The following KCNQ1 variants were observed in gnomAD, a reference collection of about 807,000 sequenced individuals.
The protein encoded by KCNQ1 is potassium voltage-gated channel subfamily KQT member 1.
In KCNQ1, 49 loss-of-function variants were observed where a neutral mutation model predicts 72.4. The observed-to-expected ratio is 0.68, with a 90% CI of 0.54 to 0.86. The LOEUF (loss-of-function observed/expected upper bound fraction) is 0.86, where lower values mean the gene tolerates loss of function less well. Ranked by LOEUF, KCNQ1 falls within the 40% of genes least tolerant of loss-of-function variation. The pLI is 0.00. For synonymous variants in KCNQ1, 450 were observed against 412.6 expected (o/e 1.09, Z -1.10); for missense variants, 790 against 945.1 (o/e 0.84, Z 2.15).
intron 11 of KCNQ1, chr11:2,686,515 C>T (rs567021133): frequency 6.8e-5 from 27 of 398,684 alleles, no homozygotes; most frequent in African/African-American, 4.9e-4. Flanking sequence ...GTCTCACTCC[C>T]GTCACGGAAA....
rs1847285585 is a variant in KCNQ1, at chr11:2,516,152, G to T, written c.387-11776G>T. Among the ~76,000 whole-genome samples, 1 of 152,052 alleles carries T rather than the reference G, an allele frequency of 6.6e-6. No homozygotes were observed. The highest frequency in any genetic ancestry group is 1.5e-5 in the Non-Finnish European group (1 of 68,010). On this transcript the variant is annotated intron_variant, in intron 1 of 15. Transcript: ENST00000155840. The surrounding 1 kb of genome is among the most constrained non-coding windows in gnomAD (Gnocchi z 7.0). ...TCGGGGTGCTTCGAGGTGCTGTGGG[G>T]ACCTGTGATGCTGTCAGGGAGACCC...
Position 2,654,446 on chromosome 11 carries a change from G to A in KCNQ1, c.1394-7515G>A, listed in dbSNP as rs949197572. On this transcript the variant is annotated intron_variant, in intron 10 of 15. Transcript: ENST00000155840. The surrounding 1 kb of genome is among the most constrained non-coding windows in gnomAD (Gnocchi z 6.4). ...GGGTGAGGCAGAAGGCAAGGTTCCC[G>A]TGCTGAGCGCCAGGCACACATAAGC... 2.5e-5 allele frequency: 10 copies of A among 398,600 alleles called. No homozygotes were observed. The highest frequency in any genetic ancestry group is 4.4e-5 in the Admixed American group (1 of 22,718). 24.7% of individuals were successfully genotyped at this position (398,600 alleles called of 1,614,324 possible).
intron 1 of KCNQ1, among the ~76,000 whole-genome samples, chr11:2,448,173 CAGGTGGCATCT>C: frequency 6.6e-6 from 1 of 152,344 alleles, no homozygotes; most frequent in East Asian, 1.9e-4. Context: ...TGTGGACATC[CAGGTGGCATCT>C]ACTCTGGTTG....
intron 11 of KCNQ1, chr11:2,696,676 G>C (rs1387419993): frequency 2.5e-6 from 1 of 398,588 alleles, no homozygotes. Flanking sequence ...ATGCCAAGTT[G>C]CCCTGTTCAA....
intron 15 of KCNQ1, among the ~76,000 whole-genome samples, chr11:2,811,898 G>A (rs1356527554): frequency 3.3e-5 from 5 of 152,146 alleles, no homozygotes; most frequent in African/African-American, 7.2e-5. Flanking sequence ...CTGAGCTCCC[G>A]AGTGCCCGCC....
At chr11:2,622,692 CTGTA>C in intron 10 of KCNQ1, 1 of 398,498 alleles carries the variant, frequency 2.5e-6, no homozygotes, top group Non-Finnish European at 4.4e-6. Flanking sequence ...ATTCGATTGT[CTGTA>C]TGTGTGTATG....
rs1847878255 is a variant in KCNQ1 at position 2,544,537 on chromosome 11, C to T, written c.477+16519C>T. On this transcript the variant is annotated intron_variant, in intron 2 of 15. Coordinates refer to ENST00000155840, the MANE Select transcript of KCNQ1 (RefSeq NM_000218.3). The surrounding 1 kb of genome is among the most constrained non-coding windows in gnomAD (Gnocchi z 4.4). ...TTTTTAACTTCTGTCAGAGATGTTT[C>T]ATAGTTTTTAGTGTATAGGTCTTGT... Among the ~76,000 whole-genome samples, 2 of 151,732 alleles carry T rather than the reference C, an allele frequency of 1.3e-5. No individual in the cohort carries two copies. Among genetic ancestry groups the T allele is most frequent in the African/African-American group, 2.4e-5 (1 of 41,310 alleles).
intron 11 of KCNQ1, among the ~76,000 whole-genome samples, chr11:2,760,368 T>C (rs1381565049): frequency 6.6e-6 from 1 of 152,206 alleles, no homozygotes; most frequent in African/African-American, 2.4e-5. Flanking sequence ...GCTCATCTCA[T>C]TCATCTACAA....
Position 2,549,634 on chromosome 11 carries a change from C to T in KCNQ1, c.478-20994C>T, listed in dbSNP as rs9704526. 6.7e-6 allele frequency among the ~76,000 whole-genome samples: 1 copy of T among 149,032 alleles called. No individual in the cohort carries two copies. Among genetic ancestry groups the T allele is most frequent in the East Asian group, 2.0e-4 (1 of 5,026 alleles). On this transcript the variant is annotated intron_variant, in intron 2 of 15. Coordinates refer to ENST00000155840, the MANE Select transcript of KCNQ1 (RefSeq NM_000218.3). The surrounding 1 kb of genome is among the most constrained non-coding windows in gnomAD (Gnocchi z 6.2). ...TGCTCTGCGAGGCCCGGGGTAGGGG[C>T]GTGGGGGGGCCTCCTCCTCCCAAGC... is the stretch of plus-strand genomic sequence containing the variant.
chr11:2,636,825 T>G (rs1471231718), intron 10 of KCNQ1: 2 of 152,234 alleles, frequency 1.3e-5, no homozygotes, highest in Non-Finnish European at 2.9e-5. Flanking sequence ...TGGACTTTTT[T>G]TGGTTGGTAG....
At chr11:2,825,337 C>A (rs181832844) in intron 15 of KCNQ1, among the ~76,000 whole-genome samples, 3 of 152,204 alleles carry the variant, frequency 2.0e-5, no homozygotes, top group African/African-American at 7.2e-5. Flanking sequence ...CCAGACCTTC[C>A]GAGCCCTCAG....
At chr11:2,558,735 C>A (rs955279800) in intron 2 of KCNQ1, among the ~76,000 whole-genome samples, 1 of 152,190 alleles carries the variant, frequency 6.6e-6, no homozygotes, top group East Asian at 1.9e-4. Context: ...CCCCGTAAGG[C>A]ACCGGCAGTA....
intron 10 of KCNQ1, chr11:2,619,862 CTTTTAT>C: frequency 2.5e-6 from 1 of 397,984 alleles, no homozygotes; most frequent in Non-Finnish European, 4.4e-6. Flanking sequence ...GTTTTTTTAA[CTTTTAT>C]TTTTGATTTA....
In KCNQ1 at chr11:2,677,202, T is replaced by C; in HGVS notation, c.1514+15121T>C. ...TTGTATCTCTGCTGACTGACCTCTT[T>C]GGCTGTCTCTTGTCAACCAAAGACA... On this transcript the variant is annotated intron_variant, in intron 11 of 15. Transcript: ENST00000155840. This position sits in a 1 kb window ranked among gnomAD's most constrained non-coding sequence, Gnocchi z 4.5. 2 of 398,672 alleles carry C rather than the reference T, an allele frequency of 5.0e-6. No individual in the cohort carries two copies. The highest frequency in any genetic ancestry group is 4.4e-6 in the Non-Finnish European group (1 of 226,070). The allele number at this position is 398,672 out of a possible 1,614,324, so 24.7% of individuals were successfully genotyped here. A position where few individuals can be genotyped will look rare whatever the true frequency, so the allele number is the denominator to read the frequency against.
At position 2,678,444 on chromosome 11, in the gene KCNQ1, C is replaced by T. The variant is rs1335772028; in HGVS notation, c.1514+16363C>T. The T allele has an allele frequency of 1.0e-5, 4 of 398,516 alleles. No individual in the cohort carries two copies. The highest frequency in any genetic ancestry group is 4.4e-6 in the Non-Finnish European group (1 of 226,068). The allele number at this position is 398,516 out of a possible 1,614,324, so 24.7% of individuals were successfully genotyped here. On this transcript the variant is annotated intron_variant, in intron 11 of 15. Transcript: ENST00000155840. This position sits in a 1 kb window ranked among gnomAD's most constrained non-coding sequence, Gnocchi z 4.9. ...ATTTGAGTACATCATCATCTCTCTA[C>T]TAATTTCAACTGCTACCTTTATCAT...
intron 1 of KCNQ1, among the ~76,000 whole-genome samples, chr11:2,452,815 C>T (rs954046583): frequency 2.6e-5 from 4 of 152,128 alleles, no homozygotes; most frequent in African/African-American, 4.8e-5. Context: ...TATGAAGTTT[C>T]GTAAAAGAGG....
At position 2,498,202 on chromosome 11, in the gene KCNQ1, G is replaced by T. The variant is rs141143363; in HGVS notation, c.387-29726G>T. ...TCCCTTAGCAGAGCTCATGCACTGT[G>T]CTGCGAGAATCCCCCTTGTCAGGAT... On this transcript the variant is annotated intron_variant, in intron 1 of 15. Transcript: ENST00000155840. The surrounding 1 kb of genome is among the most constrained non-coding windows in gnomAD (Gnocchi z 4.8). Among the ~76,000 whole-genome samples, 205 of 152,332 alleles carry T rather than the reference G, an allele frequency of 1.3e-3. 3 individuals carry two copies. In the South Asian group the frequency reaches 0.032, roughly 24 times the overall value.
intron 15 of KCNQ1, among the ~76,000 whole-genome samples, chr11:2,805,872 A>C (rs1449958230): frequency 6.6e-6 from 1 of 152,208 alleles, no homozygotes. Flanking sequence ...TTGACCTCAT[A>C]ATCCTCCTTC....
Position 2,670,857 on chromosome 11 carries a change from C to A in KCNQ1, c.1514+8776C>A, listed in dbSNP as rs528893323. On this transcript the variant is annotated intron_variant, in intron 11 of 15. Transcript: ENST00000155840. The surrounding 1 kb of genome is among the most constrained non-coding windows in gnomAD (Gnocchi z 4.9). ...CAGCCAAGGAGGTCAAAGGTCCTCA[C>A]TGGCCAGTGGGCCACTGGGAAGCCT... The A allele has an allele frequency of 7.5e-5, 30 of 398,664 alleles. No homozygotes were observed. The highest frequency in any genetic ancestry group is 1.3e-3 in the Middle Eastern group (2 of 1,588). 24.7% of individuals were successfully genotyped at this position (398,664 alleles called of 1,614,324 possible). A position where few individuals can be genotyped will look rare whatever the true frequency, so the allele number is the denominator to read the frequency against.
Sources: gnomAD v4.1 joint callset for allele counts (sites outside exome capture counted in the v4.1 genomes callset) on GRCh38, gnomAD v4.1.1 for gene constraint, Gnocchi (gnomAD v3.1) non-coding constraint, MANE v1.5 for transcripts, NCBI Gene and HGNC (gene_info 2026-07-23, HGNC 2026-07-21) for gene names.